SLC2A1: variants seen among roughly 807,000 people sequenced by gnomAD.
The protein encoded by SLC2A1 is solute carrier family 2 member 1.
Under a neutral mutation model 46.6 loss-of-function variants are expected in SLC2A1, and 4 were observed. That is an observed-to-expected ratio of 0.09 (90% CI 0.04 to 0.20). The LOEUF is 0.20. SLC2A1 is among the 10% of genes least tolerant of loss of function. The probability of loss-of-function intolerance (pLI) is 1.00; values close to 1 mark genes in which losing one functional copy is unlikely to be tolerated. For missense variants in SLC2A1, 352 were observed against 667.0 expected (o/e 0.53, Z 5.20); for synonymous variants, 253 against 270.0 (o/e 0.94, Z 0.62).
Position 42,958,831 on chromosome 1 carries a change from G to A in SLC2A1, c.-180C>T. 5.1e-6 allele frequency: 3 copies of A among 589,462 alleles called. No homozygotes were observed. The South Asian group carries it at 6.0e-5, about 12-fold the overall frequency. The allele number at this position is 589,462 out of a possible 1,614,324, so 36.5% of individuals were successfully genotyped here. A position where few individuals can be genotyped will look rare whatever the true frequency, so the allele number is the denominator to read the frequency against. On this transcript the variant is annotated 5_prime_UTR_variant, in exon 1 of 10. Transcript: ENST00000426263. ...GTGCTCACTCGGGGACCCGCGACTA[G>A]CGACCGGCACGCTCGCTGTTGCTAC...
rs1309897643 is a variant in SLC2A1, at chr1:42,930,374, T to C, written c.516+252A>G. ...GTACTGTGCATAACAGCCTGCGGCA[T>C]GTTGGGGGAAGGCGGGCCCTGTGGT... On this transcript the variant is annotated intron_variant, in intron 4 of 9. Transcript: ENST00000426263. The surrounding 1 kb of genome is among the most constrained non-coding windows in gnomAD (Gnocchi z 6.2). The C allele has an allele frequency of 8.9e-6, 6 of 675,680 alleles. No individual in the cohort carries two copies. In the East Asian group the frequency reaches 1.7e-4, roughly 19 times the overall value. The allele number at this position is 675,680 out of a possible 1,614,324, so 41.9% of individuals were successfully genotyped here.
chr1:42,937,984 G>A (rs2124457128), intron 2 of SLC2A1, among the ~76,000 whole-genome samples: 1 of 152,292 alleles, frequency 6.6e-6, no homozygotes, highest in Admixed American at 6.5e-5. Flanking sequence ...AACAAGGAGT[G>A]TTGTTTGTCA....
intron 2 of SLC2A1, among the ~76,000 whole-genome samples, chr1:42,932,091 T>G (rs549712250): frequency 6.6e-6 from 1 of 152,262 alleles, no homozygotes; most frequent in Admixed American, 6.5e-5. Flanking sequence ...ACGCTGTGGC[T>G]TTCTGTTCCC....
At chr1:42,955,913 C>T (rs1339669657) in intron 1 of SLC2A1, among the ~76,000 whole-genome samples, 1 of 152,130 alleles carries the variant, frequency 6.6e-6, no homozygotes, top group Non-Finnish European at 1.5e-5. Context: ...CAATGGAACA[C>T]GGGGAAGTTA....
chr1:42,929,323 C>T lies in SLC2A1; in HGVS notation c.868-9G>A. The T allele has an allele frequency of 6.2e-7, 1 of 1,603,102 alleles. No homozygotes were observed. Among genetic ancestry groups the T allele is most frequent in the South Asian group, 1.1e-5 (1 of 89,644 alleles). The stretch of plus-strand genomic sequence containing the variant: ...GTGGAGTAATAGAAGACCTGCCAGA[C>T]AAGAGAAACTGTTGGGGCCTACCTG... On this transcript the variant is annotated splice_polypyrimidine_tract_variant and intron_variant, in intron 6 of 9. Coordinates refer to ENST00000426263, the MANE Select transcript of SLC2A1 (RefSeq NM_006516.4). The surrounding 1 kb of genome is among the most constrained non-coding windows in gnomAD (Gnocchi z 6.0).
chr1:42,941,968 A>G (rs997892093), intron 2 of SLC2A1, among the ~76,000 whole-genome samples: 1 of 152,256 alleles, frequency 6.6e-6, no homozygotes, highest in Non-Finnish European at 1.5e-5. Flanking sequence ...GCTCCTCAGC[A>G]TCGGGCGTGG....
chr1:42,952,919 C>G (rs115215762), intron 1 of SLC2A1, among the ~76,000 whole-genome samples: 272 of 152,362 alleles, frequency 1.8e-3, no homozygotes, highest in African/African-American at 6.3e-3. Context: ...CCCAAGCCTG[C>G]TGCACAGACC....
chr1:42,939,791 C>T (rs6696367), intron 2 of SLC2A1, among the ~76,000 whole-genome samples: 5,356 of 151,982 alleles, frequency 0.035, 357 homozygotes, highest in African/African-American at 0.12. Flanking sequence ...CTACTAAAAA[C>T]ACAAAAATTA....
chr1:42,955,177 T>A (rs928409823), intron 1 of SLC2A1, among the ~76,000 whole-genome samples: 10 of 152,218 alleles, frequency 6.6e-5, no homozygotes, highest in Admixed American at 3.3e-4. Flanking sequence ...TAAGGCATCA[T>A]GGGAGTCCAA....
chr1:42,952,475 C>T (rs956233407), intron 1 of SLC2A1: 7 of 449,170 alleles, frequency 1.6e-5, no homozygotes, highest in African/African-American at 8.0e-5. Context: ...CAGCCATGAC[C>T]GCTGGGACAC....
Position 42,927,632 on chromosome 1 carries a change from A to T in SLC2A1, c.1251T>A (p.Ile417=). 1 of 1,614,164 alleles carries T rather than the reference A, an allele frequency of 6.2e-7. No homozygotes were observed. Among genetic ancestry groups the T allele is most frequent in the Non-Finnish European group, 8.5e-7 (1 of 1,180,024 alleles). The change falls in exon 9 of 10, where the codon ATT becomes ATA. Residue 417 remains isoleucine (I), a synonymous_variant. Transcript: ENST00000426263. This position sits in a 1 kb window ranked among gnomAD's most constrained non-coding sequence, Gnocchi z 5.3. ...CCACATACTGGAAGCACATGCCCAC[A>T]ATGAAATTTGAGGTCCAGTTGGAGA... ...AGFSNWTSNF[I]VGMCFQYVEQ...
At chr1:42,949,207 G>T (rs756827808) in intron 1 of SLC2A1, among the ~76,000 whole-genome samples, 1 of 152,008 alleles carries the variant, frequency 6.6e-6, no homozygotes, top group Non-Finnish European at 1.5e-5. Flanking sequence ...GATATTGCAC[G>T]ACTGCATTCC....
chr1:42,929,220 G>A lies in SLC2A1; in HGVS notation c.962C>T (p.Thr321Ile). The change falls in exon 7 of 10, where the codon ACT becomes ATT. Residue 321 changes from threonine to isoleucine, a missense_variant. Transcript: ENST00000426263. This position sits in a 1 kb window ranked among gnomAD's most constrained non-coding sequence, Gnocchi z 6.0. ...IGSGIVNTAF[T>I]VVSLFVVERA... ...TAAGCAAAGACTCACCGACACGACA[G>A]TGAAGGCCGTGTTGACGATACCGGA... 1 of 1,613,624 alleles carries A rather than the reference G, an allele frequency of 6.2e-7. No homozygotes were observed. The highest frequency in any genetic ancestry group is 2.2e-5 in the East Asian group (1 of 44,874).
Position 42,926,073 on chromosome 1 carries a change from T to TG in SLC2A1, c.*967dup, listed in dbSNP as rs146124093. On this transcript the variant is annotated 3_prime_UTR_variant, in exon 10 of 10. Transcript: ENST00000426263. Reference sequence around the variant, plus strand: ...GATCCTGAGTCGAAGTCTAAGCCGTTGCAGTGGTTGCAACCCCACTTACTT... The same window carrying TG: ...GATCCTGAGTCGAAGTCTAAGCCGTTGGCAGTGGTTGCAACCCCACTTACTT... 1 of 152,672 alleles carries TG rather than the reference T, an allele frequency of 6.5e-6. No individual in the cohort carries two copies. The highest frequency in any genetic ancestry group is 2.4e-5 in the African/African-American group (1 of 41,546). The allele number at this position is 152,672 out of a possible 1,614,324, so 9.5% of individuals were successfully genotyped here.
rs745776663 is a variant in SLC2A1 at position 42,927,110 on chromosome 1, C to A, written c.1410G>T (p.Gly470=). The A allele has an allele frequency of 4.3e-6, 7 of 1,614,062 alleles. No individual in the cohort carries two copies. The highest frequency in any genetic ancestry group is 1.7e-5 in the Admixed American group (1 of 60,004). The part of the protein sequence containing the change: ...FDEIASGFRQ[G]GASQSDKTPE... ...GTGTCTTGTCACTTTGGCTGGCTCC[C>A]CCCTGCCGGAAGCCGGAAGCGATCT... The change falls in exon 10 of 10, where the codon GGG becomes GGT. Residue 470 remains glycine (G), a synonymous_variant. Transcript: ENST00000426263. This position sits in a 1 kb window ranked among gnomAD's most constrained non-coding sequence, Gnocchi z 5.3.
chr1:42,944,096 G>A (rs1489114676), intron 1 of SLC2A1, among the ~76,000 whole-genome samples: 1 of 152,206 alleles, frequency 6.6e-6, no homozygotes, highest in Non-Finnish European at 1.5e-5. Flanking sequence ...GGACATAGAC[G>A]ACATGCTAGG....
At chr1:42,932,906 G>A (rs186784443) in intron 2 of SLC2A1, among the ~76,000 whole-genome samples, 11 of 152,356 alleles carry the variant, frequency 7.2e-5, no homozygotes, top group Admixed American at 7.2e-4. Flanking sequence ...ACAGTTGGTA[G>A]GGCAGAGGCA....
rs780853763 is a variant in SLC2A1 at position 42,927,782 on chromosome 1, C to G, written c.1101G>C (p.Leu367=). The part of the protein sequence containing the change: ...LLEQLPWMSY[L]SIVAIFGFVA... ...CAAAGCCAAAGATGGCCACGATGCT[C>G]AGATAGGACATCCAGGGTAGCTGCT... Residue 367 remains leucine, a synonymous_variant, in exon 9 of 10, where the codon CTG becomes CTC. Transcript: ENST00000426263. The surrounding 1 kb of genome is among the most constrained non-coding windows in gnomAD (Gnocchi z 5.3). 6.2e-7 allele frequency: 1 copy of G among 1,613,520 alleles called. No individual in the cohort carries two copies. The highest frequency in any genetic ancestry group is 1.1e-5 in the South Asian group (1 of 90,966).
chr1:42,943,620 C>T (rs1643620726), intron 1 of SLC2A1, among the ~76,000 whole-genome samples: 1 of 152,120 alleles, frequency 6.6e-6, no homozygotes, highest in Admixed American at 6.5e-5. Context: ...GTCTCATTTC[C>T]CTGGTGGAGC....
Sources: gnomAD v4.1 joint callset for allele counts (sites outside exome capture counted in the v4.1 genomes callset) on GRCh38, gnomAD v4.1.1 for gene constraint, Gnocchi (gnomAD v3.1) non-coding constraint, MANE v1.5 for transcripts, NCBI Gene and HGNC (gene_info 2026-07-23, HGNC 2026-07-21) for gene names.